Variants in SLC9A9 observed in about 807,000 individuals in gnomAD.
SLC9A9 encodes the protein solute carrier family 9 member A9, also known as sodium/hydrogen exchanger 9.
SLC9A9 carries 62 observed loss-of-function variants against 77.8 expected under a neutral mutation model. The observed-to-expected ratio is 0.80, with a 90% confidence interval of 0.65 to 0.98. SLC9A9 has a LOEUF of 0.98. Among genes scored for constraint, SLC9A9 ranks in the 50% least tolerant of loss-of-function variants. The pLI is 0.00. For missense variants in SLC9A9, 775 were observed against 774.9 expected (o/e 1.00, Z 0.00); for synonymous variants, 320 against 283.5 (o/e 1.13, Z -1.29).
At chr3:143,552,244 C>T (rs2036901701) in intron 9 of SLC9A9, 118 bp downstream of exon 9, 2 of 704,804 alleles carry the variant, frequency 2.8e-6, no homozygotes, top group East Asian at 5.6e-5. Context: ...CGTAATGAAG[C>T]CTTAAGCTTA....
intron 14 of SLC9A9, among the ~76,000 whole-genome samples, chr3:143,325,035 C>G (rs377174941): frequency 6.6e-6 from 1 of 150,850 alleles, no homozygotes; most frequent in Non-Finnish European, 1.5e-5. Flanking sequence ...ATTGTGGATG[C>G]CTAATATTTT....
At chr3:143,409,230 T>TC (rs1559903324) in intron 12 of SLC9A9, among the ~76,000 whole-genome samples, 1 of 152,248 alleles carries the variant, frequency 6.6e-6, no homozygotes, top group Non-Finnish European at 1.5e-5. Context: ...GTAATATCCT[T>TC]CTATTTATTC....
Position 143,832,685 on chromosome 3 carries a change from C to G in SLC9A9, c.176-464G>C, listed in dbSNP as rs2009467070. On this transcript the variant is annotated intron_variant, in intron 1 of 15. Transcript: ENST00000316549. Reference sequence around the variant, plus strand: ...GGTGAGAGGTGTTCTTGTTCTCTCTCTCAGGACATGACTAAGGCAATATAG... The same window carrying G: ...GGTGAGAGGTGTTCTTGTTCTCTCTGTCAGGACATGACTAAGGCAATATAG... Among the ~76,000 whole-genome samples the G allele has an allele frequency of 4.0e-5, 6 of 151,368 alleles. No individual in the cohort carries two copies. The South Asian group carries it at 1.0e-3, about 26-fold the overall frequency.
intron 9 of SLC9A9, among the ~76,000 whole-genome samples, chr3:143,520,288 A>C (rs963680971): frequency 6.6e-6 from 1 of 152,194 alleles, no homozygotes; most frequent in Admixed American, 6.5e-5. Context: ...ATCATGAGAC[A>C]AAGCCCTTAT....
At position 143,625,405 on chromosome 3, in the gene SLC9A9, A is replaced by G. The variant is rs1488796452; in HGVS notation, c.755+26850T>C. The stretch of plus-strand genomic sequence containing the variant: ...GTAACCAAAACAACATGGTACTGGT[A>G]CCAAAACAGAGATATAGACCAATGG... On this transcript the variant is annotated intron_variant, in intron 6 of 15. Coordinates refer to ENST00000316549, the MANE Select transcript of SLC9A9 (RefSeq NM_173653.4). Among the ~76,000 whole-genome samples the G allele has an allele frequency of 3.3e-5, 5 of 152,232 alleles. No homozygotes were observed. The East Asian group carries it at 9.6e-4, about 29-fold the overall frequency.
chr3:143,305,393 C>T (rs915046172), intron 14 of SLC9A9, among the ~76,000 whole-genome samples: 7 of 152,112 alleles, frequency 4.6e-5, no homozygotes, highest in African/African-American at 7.2e-5. Context: ...GTAGATGATA[C>T]CGTTTCATAG....
chr3:143,385,641 C>G (rs576751713), intron 12 of SLC9A9, among the ~76,000 whole-genome samples: 1 of 152,294 alleles, frequency 6.6e-6, no homozygotes, highest in Non-Finnish European at 1.5e-5. Context: ...CTTTTGTGCA[C>G]AAAAGATCAT....
chr3:143,395,256 G>A (rs2033697366), intron 12 of SLC9A9, among the ~76,000 whole-genome samples: 1 of 152,124 alleles, frequency 6.6e-6, no homozygotes, highest in Admixed American at 6.5e-5. Flanking sequence ...CAGAGATATA[G>A]ACCAATGGAA....
At chr3:143,507,538 G>A (rs1199514673) in intron 9 of SLC9A9, among the ~76,000 whole-genome samples, 1 of 152,158 alleles carries the variant, frequency 6.6e-6, no homozygotes, top group African/African-American at 2.4e-5. Context: ...TCCCTCATTA[G>A]AGTTGTGCAT....
At chr3:143,733,991 G>A (rs1334645190) in intron 4 of SLC9A9, among the ~76,000 whole-genome samples, 1 of 152,132 alleles carries the variant, frequency 6.6e-6, no homozygotes, top group Non-Finnish European at 1.5e-5. Context: ...GAAGCCAGGA[G>A]TTCAAGACCA....
intron 13 of SLC9A9, among the ~76,000 whole-genome samples, chr3:143,365,702 A>C (rs1332316180): frequency 6.6e-6 from 1 of 152,222 alleles, no homozygotes; most frequent in Non-Finnish European, 1.5e-5. Context: ...TTCAATTTCT[A>C]TCCTTCCCTA....
intron 4 of SLC9A9, among the ~76,000 whole-genome samples, chr3:143,735,771 C>T (rs145242464): frequency 5.3e-5 from 8 of 152,276 alleles, no homozygotes; most frequent in South Asian, 4.1e-4. Context: ...AACAGTATAA[C>T]GTTAGTGTGT....
At chr3:143,711,342 A>G (rs1417409020) in intron 4 of SLC9A9, among the ~76,000 whole-genome samples, 2 of 151,976 alleles carry the variant, frequency 1.3e-5, no homozygotes, top group African/African-American at 2.4e-5. Context: ...TTACTCACCA[A>G]TCAAATATAG....
chr3:143,431,019 T>G (rs1303305809), intron 12 of SLC9A9, among the ~76,000 whole-genome samples: 1 of 152,178 alleles, frequency 6.6e-6, no homozygotes, highest in Non-Finnish European at 1.5e-5. Context: ...TTGGACTGCT[T>G]CCTCTAGGTT....
chr3:143,641,618 C>T (rs935399631), intron 6 of SLC9A9, among the ~76,000 whole-genome samples: 1 of 152,114 alleles, frequency 6.6e-6, no homozygotes, highest in Non-Finnish European at 1.5e-5. Context: ...TGGTCTCGAT[C>T]TCCTGACCTC....
chr3:143,573,096 C>A (rs979450921), intron 8 of SLC9A9, among the ~76,000 whole-genome samples: 2 of 152,182 alleles, frequency 1.3e-5, no homozygotes, highest in East Asian at 1.9e-4. Context: ...TTGAATCTTT[C>A]TATCGATTAA....
intron 6 of SLC9A9, among the ~76,000 whole-genome samples, chr3:143,592,454 T>C (rs1054366085): frequency 5.9e-5 from 9 of 152,194 alleles, no homozygotes; most frequent in African/African-American, 2.2e-4. Context: ...ACCATGACTT[T>C]TGCACTCTTC....
At chr3:143,686,741 T>A (rs1324841838) in intron 5 of SLC9A9, among the ~76,000 whole-genome samples, 1 of 152,150 alleles carries the variant, frequency 6.6e-6, no homozygotes, top group African/African-American at 2.4e-5. Context: ...AAGACAGCAA[T>A]GAAAAAGACA....
At chr3:143,278,933 G>A (rs1938130907) in intron 14 of SLC9A9, among the ~76,000 whole-genome samples, 1 of 152,066 alleles carries the variant, frequency 6.6e-6, no homozygotes, top group Non-Finnish European at 1.5e-5. Flanking sequence ...AACTTCCTGA[G>A]CTCTTTGACC....
Sources: allele counts gnomAD v4.1 joint callset (sites outside exome capture counted in the v4.1 genomes callset), GRCh38; gene constraint gnomAD v4.1.1; transcripts MANE v1.5; gene names NCBI Gene and HGNC (gene_info 2026-07-23, HGNC 2026-07-21).